Variants in GLIS1 observed in about 807,000 individuals in gnomAD.
GLIS1 encodes the protein GLIS family zinc finger 1, also known as zinc finger protein GLIS1.
A neutral mutation model predicts 63.8 loss-of-function variants in GLIS1; 24 were observed. That is an observed-to-expected ratio of 0.38 (90% confidence interval 0.27 to 0.53). GLIS1 has a LOEUF of 0.53. Ranked by LOEUF, GLIS1 falls within the 20% of genes least tolerant of loss-of-function variation. GLIS1 has a pLI of 0.85. For synonymous variants in GLIS1, 450 were observed against 482.5 expected, an observed-to-expected ratio of 0.93 and a Z score of 0.88; for missense variants, 1,036 against 1,074.1, an observed-to-expected ratio of 0.96 and a Z score of 0.50.
intron 2 of GLIS1, among the ~76,000 whole-genome samples, chr1:53,718,233 G>C (rs1646719617): frequency 6.6e-6 from 1 of 152,174 alleles, no homozygotes; most frequent in Non-Finnish European, 1.5e-5. Context: ...GTGATATATA[G>C]TAAACCAGAA....
chr1:53,556,186 TTTG>T (rs1194176557), intron 4 of GLIS1, among the ~76,000 whole-genome samples: 2 of 126,740 alleles, frequency 1.6e-5, no homozygotes, highest in Non-Finnish European at 3.2e-5. Flanking sequence ...GTACTGTAGG[TTTG>T]TGTGTGTGTG....
intron 4 of GLIS1, among the ~76,000 whole-genome samples, chr1:53,589,512 C>T (rs996856971): frequency 6.6e-6 from 1 of 152,198 alleles, no homozygotes; most frequent in African/African-American, 2.4e-5. Context: ...AAGGCCCTCC[C>T]GGCAGGTCCA....
chr1:53,613,391 C>T (rs1376768634), intron 2 of GLIS1, among the ~76,000 whole-genome samples: 1 of 152,062 alleles, frequency 6.6e-6, no homozygotes, highest in African/African-American at 2.4e-5. Flanking sequence ...GGATAAATTC[C>T]TAGATGTGGG....
rs1277328603 is a variant in GLIS1 at position 53,560,760 on chromosome 1, C to A, written c.1321-30808G>T. ...TCTGCCATGGTCTGCTCAGTGGATGCCTCAGAAGTGGCCCACGACAGTGGC... is the reference window on the plus strand; with the variant it reads ...TCTGCCATGGTCTGCTCAGTGGATGACTCAGAAGTGGCCCACGACAGTGGC... On this transcript the variant is annotated intron_variant, in intron 4 of 10. Coordinates refer to ENST00000628545, the MANE Select transcript of GLIS1 (RefSeq NM_001367484.1). The surrounding 1 kb of genome is among the most constrained non-coding windows in gnomAD (Gnocchi z 4.4). Among the ~76,000 whole-genome samples, 1 of 152,192 alleles carries A rather than the reference C, an allele frequency of 6.6e-6. No individual in the cohort carries two copies. Among genetic ancestry groups the A allele is most frequent in the African/African-American group, 2.4e-5 (1 of 41,442 alleles).
At position 53,506,447 on chromosome 1, in the gene GLIS1, C is replaced by T. The variant is rs553062357; in HGVS notation, c.*172G>A. On this transcript the variant is annotated 3_prime_UTR_variant, in exon 11 of 11. Transcript: ENST00000628545. The stretch of plus-strand genomic sequence containing the variant: ...GTGCGCCCAGCTCAAGCTCGGATGG[C>T]GGCTCCCTGGCAGCGCTGGGTGGGG... 1.3e-3 allele frequency: 848 copies of T among 652,574 alleles called. No individual in the cohort carries two copies. Among genetic ancestry groups the T allele is most frequent in the Non-Finnish European group, 1.9e-3 (751 of 385,536 alleles). The allele number at this position is 652,574 out of a possible 1,614,324, so 40.4% of individuals were successfully genotyped here.
intron 2 of GLIS1, among the ~76,000 whole-genome samples, chr1:53,704,488 G>A (rs1646556358): frequency 1.3e-5 from 2 of 152,142 alleles, no homozygotes; most frequent in African/African-American, 4.8e-5. Context: ...TCCCCACCTT[G>A]CACCACACAC....
At chr1:53,531,474 C>G (rs1644530525) in intron 4 of GLIS1, among the ~76,000 whole-genome samples, 2 of 152,204 alleles carry the variant, frequency 1.3e-5, no homozygotes, top group South Asian at 4.1e-4. Context: ...ATTTCAGACC[C>G]TGTGATCCAC....
chr1:53,592,577 C>A (rs1300257050), intron 4 of GLIS1, among the ~76,000 whole-genome samples: 1 of 152,198 alleles, frequency 6.6e-6, no homozygotes, highest in Non-Finnish European at 1.5e-5. Flanking sequence ...TTGGTCAACT[C>A]CTAGGCAGGG....
chr1:53,713,116 C>T (rs189949694), intron 2 of GLIS1, among the ~76,000 whole-genome samples: 6 of 152,314 alleles, frequency 3.9e-5, no homozygotes, highest in South Asian at 2.1e-4. Flanking sequence ...AGACATGCCA[C>T]GACTTCAAGA....
At chr1:53,672,531 G>C (rs1646163697) in intron 2 of GLIS1, among the ~76,000 whole-genome samples, 1 of 152,186 alleles carries the variant, frequency 6.6e-6, no homozygotes. Context: ...TGCTTCTCTA[G>C]TACTCAGAAC....
chr1:53,657,185 T>G (rs1164983592), intron 2 of GLIS1, among the ~76,000 whole-genome samples: 1 of 152,152 alleles, frequency 6.6e-6, no homozygotes, highest in Non-Finnish European at 1.5e-5. Context: ...CTTAATGAGC[T>G]CAACATATGC....
chr1:53,676,288 C>T (rs957811529), intron 2 of GLIS1, among the ~76,000 whole-genome samples: 2 of 152,200 alleles, frequency 1.3e-5, no homozygotes, highest in Non-Finnish European at 2.9e-5. Context: ...AGGCAGGAAT[C>T]GTGGTTCCCC....
At chr1:53,687,400 T>A (rs1329496672) in intron 2 of GLIS1, among the ~76,000 whole-genome samples, 1 of 152,174 alleles carries the variant, frequency 6.6e-6, no homozygotes, top group African/African-American at 2.4e-5. Context: ...CTCCCAGTCA[T>A]TCCAAGGACA....
At chr1:53,640,947 C>T (rs972992553) in intron 2 of GLIS1, among the ~76,000 whole-genome samples, 1 of 152,124 alleles carries the variant, frequency 6.6e-6, no homozygotes, top group African/African-American at 2.4e-5. Flanking sequence ...GCTGAAGGCA[C>T]ACTCTTAGGC....
rs753292657 is a variant in GLIS1 at position 53,569,980 on chromosome 1, G to C, written c.1320+24128C>G. On this transcript the variant is annotated intron_variant, in intron 4 of 10. Transcript: ENST00000628545. ...ATAAGAATTAATAATCATATAAAGA[G>C]GTCCTATTCCCGTTCCCCCCAACCA... Among the ~76,000 whole-genome samples, 9 of 151,976 alleles carry C rather than the reference G, an allele frequency of 5.9e-5. 1 individual carries two copies. The South Asian group carries it at 1.7e-3, about 28-fold the overall frequency.
chr1:53,687,445 T>A (rs980318337), intron 2 of GLIS1, among the ~76,000 whole-genome samples: 1 of 152,152 alleles, frequency 6.6e-6, no homozygotes, highest in African/African-American at 2.4e-5. Flanking sequence ...CCCGCCCCGC[T>A]TCACCAAGCC....
chr1:53,529,532 G>A (rs1423646098), intron 5 of GLIS1, among the ~76,000 whole-genome samples: 1 of 152,182 alleles, frequency 6.6e-6, no homozygotes, highest in Non-Finnish European at 1.5e-5. Flanking sequence ...CCTCACCCCC[G>A]GGGACATTTG....
At chr1:53,682,125 C>T (rs943781352) in intron 2 of GLIS1, among the ~76,000 whole-genome samples, 11 of 152,222 alleles carry the variant, frequency 7.2e-5, no homozygotes, top group East Asian at 5.8e-4. Flanking sequence ...AGGCAGAGTC[C>T]GCACCAGCCC....
rs1432534234 is a variant in GLIS1, at chr1:53,594,708, G to A, written c.720C>T (p.Cys240=). ...THLPEGSLKR[C]CVLGLPPTSP... ...AGGTGGGGGGTAGGCCCAAGACGCA[G>A]CACCGCTTCAGGCTGCCCTCGGGGA... Residue 240 remains cysteine, a synonymous_variant, in exon 4 of 11, where the codon TGC becomes TGT. Transcript: ENST00000628545. The A allele has an allele frequency of 6.4e-7, 1 of 1,560,354 alleles. No individual in the cohort carries two copies. Among genetic ancestry groups the A allele is most frequent in the South Asian group, 1.2e-5 (1 of 81,730 alleles).
Sources: allele counts gnomAD v4.1 joint callset (sites outside exome capture counted in the v4.1 genomes callset), GRCh38; gene constraint gnomAD v4.1.1; non-coding constraint Gnocchi (gnomAD v3.1); transcripts MANE v1.5; gene names NCBI Gene and HGNC (gene_info 2026-07-23, HGNC 2026-07-21).